The following VSTM2L variants were observed in gnomAD, a reference collection of about 807,000 sequenced individuals.
VSTM2L encodes V-set and transmembrane domain containing 2 like, also known as V-set and transmembrane domain-containing protein 2-like protein.
A neutral mutation model predicts 19.9 loss-of-function variants in VSTM2L; 9 were observed. The ratio of observed to expected loss-of-function variants is 0.45; its 90% CI spans 0.27 to 0.79. The LOEUF (loss-of-function observed/expected upper bound fraction) is 0.79. VSTM2L is among the 30% of genes least tolerant of loss of function. The pLI is 0.15. For synonymous variants in VSTM2L, 127 were observed against 133.8 expected (o/e 0.95, Z 0.35); for missense variants, 286 against 295.5 (o/e 0.97, Z 0.24).
intron 1 of VSTM2L, among the ~76,000 whole-genome samples, chr20:37,930,447 A>G (rs2072901903): frequency 6.6e-6 from 1 of 151,344 alleles, no homozygotes; most frequent in Admixed American, 6.6e-5. Context: ...GCCAGGAGGG[A>G]CAGGGTGGGG....
chr20:37,930,575 T>A (rs2072902598), intron 1 of VSTM2L, among the ~76,000 whole-genome samples: 1 of 152,064 alleles, frequency 6.6e-6, no homozygotes, highest in South Asian at 2.1e-4. Context: ...CAGGACAATA[T>A]TTGTTTGGGG....
rs111730668 is a variant in VSTM2L, at chr20:37,920,442, A to C, written c.122-11193A>C. Among the ~76,000 whole-genome samples the C allele has an allele frequency of 9.4e-3, 1,434 of 152,056 alleles. 17 individuals are homozygous for C. Among genetic ancestry groups the C allele is most frequent in the African/African-American group, 0.031 (1,273 of 41,482 alleles). On this transcript the variant is annotated intron_variant, in intron 1 of 3. Transcript: ENST00000373461. ...GGAGCTACTGGCGAAGCAGCCACCC[A>C]CTCCTGGCACTGTCAGCCTTTATTT...
At chr20:37,909,733 C>T (rs1242417424) in intron 1 of VSTM2L, among the ~76,000 whole-genome samples, 1 of 152,158 alleles carries the variant, frequency 6.6e-6, no homozygotes, top group African/African-American at 2.4e-5. Flanking sequence ...TGTGATGCTG[C>T]AGCCATGAGG....
intron 1 of VSTM2L, among the ~76,000 whole-genome samples, chr20:37,920,398 C>T (rs1263251131): frequency 1.3e-5 from 2 of 152,244 alleles, no homozygotes; most frequent in South Asian, 2.1e-4. Context: ...TGGGCTGGCC[C>T]GTAGCCAACA....
intron 1 of VSTM2L, among the ~76,000 whole-genome samples, chr20:37,918,145 C>A (rs185397287): frequency 6.6e-6 from 1 of 152,282 alleles, no homozygotes; most frequent in African/African-American, 2.4e-5. Context: ...AGGATGCTGT[C>A]CCAAGAGCCA....
intron 1 of VSTM2L, among the ~76,000 whole-genome samples, chr20:37,921,386 A>G (rs555597813): frequency 1.2e-4 from 18 of 152,244 alleles, no homozygotes; most frequent in African/African-American, 3.9e-4. Flanking sequence ...TAGTTTCCCA[A>G]TGAGGCCCAA....
At chr20:37,913,464 G>A (rs2072792288) in intron 1 of VSTM2L, among the ~76,000 whole-genome samples, 1 of 152,196 alleles carries the variant, frequency 6.6e-6, no homozygotes, top group South Asian at 2.1e-4. Context: ...GCCCTCTCAT[G>A]CGAGCTGGGT....
intron 1 of VSTM2L, among the ~76,000 whole-genome samples, chr20:37,917,331 A>C (rs1318485995): frequency 6.6e-6 from 1 of 151,306 alleles, no homozygotes; most frequent in Non-Finnish European, 1.5e-5. Flanking sequence ...GAAAGAAAAA[A>C]AGAAAAAAAA....
At chr20:37,929,636 G>A (rs1232447394) in intron 1 of VSTM2L, among the ~76,000 whole-genome samples, 1 of 152,140 alleles carries the variant, frequency 6.6e-6, no homozygotes, top group Non-Finnish European at 1.5e-5. Flanking sequence ...TGTTGGGGAG[G>A]AAGAGTGGAA....
intron 1 of VSTM2L, among the ~76,000 whole-genome samples, chr20:37,929,962 T>C (rs545794857): frequency 6.6e-6 from 1 of 152,304 alleles, no homozygotes; most frequent in African/African-American, 2.4e-5. Flanking sequence ...AAGTGGGCTA[T>C]GTGTGATGGC....
chr20:37,927,074 C>T (rs1365459727), intron 1 of VSTM2L, among the ~76,000 whole-genome samples: 1 of 152,228 alleles, frequency 6.6e-6, no homozygotes, highest in African/African-American at 2.4e-5. Flanking sequence ...AAGTGGCTCT[C>T]CTGCCTTAGC....
At chr20:37,924,894 C>A (rs1020085788) in intron 1 of VSTM2L, among the ~76,000 whole-genome samples, 4 of 152,154 alleles carry the variant, frequency 2.6e-5, no homozygotes, top group Non-Finnish European at 4.4e-5. Flanking sequence ...CTGAATTTTA[C>A]CTGATAACTC....
chr20:37,931,286 G>A (rs1272613104), intron 1 of VSTM2L, among the ~76,000 whole-genome samples: 2 of 152,162 alleles, frequency 1.3e-5, no homozygotes, highest in African/African-American at 2.4e-5. Context: ...TGATGGAAGC[G>A]GCAGCTCCTC....
chr20:37,926,146 C>G (rs1409363425), intron 1 of VSTM2L, among the ~76,000 whole-genome samples: 1 of 152,204 alleles, frequency 6.6e-6, no homozygotes, highest in Non-Finnish European at 1.5e-5. Context: ...ACTGCAACCT[C>G]CGCCTCCCAG....
intron 1 of VSTM2L, among the ~76,000 whole-genome samples, chr20:37,918,414 TCC>T (rs2072832267): frequency 6.6e-6 from 1 of 152,168 alleles, no homozygotes; most frequent in Non-Finnish European, 1.5e-5. Flanking sequence ...TTCGCCAGTC[TCC>T]CTTGTTAATG....
intron 1 of VSTM2L, among the ~76,000 whole-genome samples, chr20:37,927,049 C>G: frequency 6.6e-6 from 1 of 152,244 alleles, no homozygotes; most frequent in Non-Finnish European, 1.5e-5. Flanking sequence ...CACTGCGCCT[C>G]CTCCTCCCGG....
intron 1 of VSTM2L, among the ~76,000 whole-genome samples, chr20:37,913,668 G>C (rs929580591): frequency 6.6e-6 from 1 of 152,224 alleles, no homozygotes; most frequent in Admixed American, 6.5e-5. Flanking sequence ...GGGGAGGCAG[G>C]TTCCTTCTGG....
At chr20:37,943,559 C>T (rs1043208977) in intron 3 of VSTM2L, among the ~76,000 whole-genome samples, 5 of 151,956 alleles carry the variant, frequency 3.3e-5, no homozygotes, top group East Asian at 3.9e-4. Flanking sequence ...GAGGAGGCCC[C>T]GTTGTTCCCT....
intron 1 of VSTM2L, among the ~76,000 whole-genome samples, chr20:37,913,437 C>A (rs2072792030): frequency 6.6e-6 from 1 of 152,204 alleles, no homozygotes. Flanking sequence ...TCCTGGAGTC[C>A]TTTCTCTCTC....
Sources: allele counts gnomAD v4.1 joint callset (sites outside exome capture counted in the v4.1 genomes callset), GRCh38; gene constraint gnomAD v4.1.1; transcripts MANE v1.5; gene names NCBI Gene and HGNC (gene_info 2026-07-23, HGNC 2026-07-21).